The following HYAL4 variants were observed in gnomAD, a reference collection of about 807,000 sequenced individuals.
The protein encoded by HYAL4 is hyaluronidase 4, also known as hyaluronidase-4.
In HYAL4, 37 loss-of-function variants were observed where a neutral mutation model predicts 35.2. That is an observed-to-expected ratio of 1.05 (90% CI 0.81 to 1.38). The LOEUF is 1.38. Among genes scored for constraint, HYAL4 ranks in the 40% most tolerant of loss-of-function variants. HYAL4 has a pLI of 0.00. For missense variants in HYAL4, 572 were observed against 572.4 expected, an observed-to-expected ratio of 1.00 and a Z score of 0.01; for synonymous variants, 198 against 203.2, an observed-to-expected ratio of 0.97 and a Z score of 0.22.
At chr7:123,829,893 G>A (rs193270496) in intron 1 of HYAL4, among the ~76,000 whole-genome samples, 86 of 152,280 alleles carry the variant, frequency 5.6e-4, no homozygotes, top group Admixed American at 3.3e-3. Flanking sequence ...GGCTGCAAGT[G>A]CTCTGGAGAA....
At chr7:123,849,276 TCTCTCTCTCC>T (rs920132772) in intron 2 of HYAL4, among the ~76,000 whole-genome samples, 9 of 149,306 alleles carry the variant, frequency 6.0e-5, no homozygotes, top group Non-Finnish European at 1.0e-4. Context: ...TCTCTCTCTC[TCTCTCTCTCC>T]CTCTCTCTCT....
chr7:123,788,270 T>A, the HYAL4 span, among the ~76,000 whole-genome samples: 1 of 152,142 alleles, frequency 6.6e-6, no homozygotes, highest in African/African-American at 2.4e-5. Context: ...CATAGTGAGA[T>A]CTTGTCTCAG....
chr7:123,856,784 C>T (rs997380031), intron 2 of HYAL4, among the ~76,000 whole-genome samples: 61 of 152,302 alleles, frequency 4.0e-4, no homozygotes, highest in African/African-American at 1.4e-3. Context: ...GCTGTGCCCA[C>T]AGCCACCCCT....
At chr7:123,786,022 C>T in the HYAL4 span, among the ~76,000 whole-genome samples, 5 of 152,144 alleles carry the variant, frequency 3.3e-5, no homozygotes, top group Admixed American at 2.0e-4. Flanking sequence ...CTTTTCTGAG[C>T]GTTCTTGCAC....
chr7:123,794,388 G>A, the HYAL4 span, among the ~76,000 whole-genome samples: 2 of 152,200 alleles, frequency 1.3e-5, no homozygotes, highest in Non-Finnish European at 2.9e-5. Context: ...CCAAGACAAT[G>A]GGGAAAATGT....
intron 1 of HYAL4, among the ~76,000 whole-genome samples, chr7:123,833,254 T>G (rs2116907897): frequency 6.6e-6 from 1 of 152,304 alleles, no homozygotes; most frequent in Non-Finnish European, 1.5e-5. Context: ...TATTTTTTGA[T>G]TTTTTGATGA....
At chr7:123,783,102 A>G in the HYAL4 span, among the ~76,000 whole-genome samples, 2 of 152,142 alleles carry the variant, frequency 1.3e-5, no homozygotes, top group Admixed American at 1.3e-4. Context: ...TATCTGCTTA[A>G]AGAAATTTTT....
the HYAL4 span, among the ~76,000 whole-genome samples, chr7:123,788,158 G>C: frequency 1.3e-5 from 2 of 152,076 alleles, no homozygotes; most frequent in African/African-American, 4.8e-5. Context: ...TCTCTACTAA[G>C]ATAAAATTTT....
chr7:123,801,170 G>A, the HYAL4 span, among the ~76,000 whole-genome samples: 1 of 151,990 alleles, frequency 6.6e-6, no homozygotes, highest in South Asian at 2.1e-4. Flanking sequence ...CAAAGAATCA[G>A]CCAATGAGAA....
chr7:123,787,310 A>T, the HYAL4 span, among the ~76,000 whole-genome samples: 2 of 151,964 alleles, frequency 1.3e-5, no homozygotes, highest in Admixed American at 1.3e-4. Flanking sequence ...TTTACATTTT[A>T]AATTTTTTTT....
chr7:123,876,991 G>GT lies in HYAL4; in HGVS notation c.1283dup (p.Met429AspfsTer14), dbSNP rs1807044744. ...AAAAGCATCTGATACAGACCTGGCA[G>GT]TGATGGCAGATACATTTTCCTGTCA... On this transcript the variant is annotated frameshift_variant, in exon 5 of 5. Transcript: ENST00000223026. LOFTEE classifies it low-confidence loss of function (END_TRUNC). The GT allele has an allele frequency of 6.2e-7, 1 of 1,614,118 alleles. No individual in the cohort carries two copies. The highest frequency in any genetic ancestry group is 1.3e-5 in the African/African-American group (1 of 74,936).
chr7:123,857,532 A>G (rs1051482557), intron 2 of HYAL4, among the ~76,000 whole-genome samples: 8 of 151,930 alleles, frequency 5.3e-5, no homozygotes, highest in South Asian at 2.1e-4. Context: ...ACCAGTCCCA[A>G]TGAGATGAGC....
the HYAL4 span, among the ~76,000 whole-genome samples, chr7:123,815,759 C>G: frequency 6.6e-6 from 1 of 152,156 alleles, no homozygotes. Context: ...AGAAAATCCT[C>G]AAATCTCCAT....
intron 4 of HYAL4, among the ~76,000 whole-genome samples, chr7:123,876,283 A>G (rs1467896827): frequency 6.6e-6 from 1 of 152,222 alleles, no homozygotes; most frequent in Non-Finnish European, 1.5e-5. Flanking sequence ...ACAATAAATG[A>G]TGGACTATGA....
chr7:123,772,576 C>T, the HYAL4 span, among the ~76,000 whole-genome samples: 1 of 152,042 alleles, frequency 6.6e-6, no homozygotes, highest in East Asian at 1.9e-4. Flanking sequence ...CAAAAGGGTG[C>T]TTCATCTTAG....
At chr7:123,839,837 T>A (rs1353008204) in intron 1 of HYAL4, among the ~76,000 whole-genome samples, 1 of 3,952 alleles carries the variant, frequency 2.5e-4, no homozygotes, top group African/African-American at 1.0e-3. Context: ...GGATTGTTTG[T>A]TTTTTTTTCT....
the HYAL4 span, among the ~76,000 whole-genome samples, chr7:123,811,831 C>T: frequency 1.3e-5 from 2 of 151,584 alleles, no homozygotes; most frequent in African/African-American, 4.8e-5. Flanking sequence ...GTATTTATAC[C>T]TTTTTTGTTG....
At chr7:123,864,982 A>G (rs1806652879) in intron 2 of HYAL4, among the ~76,000 whole-genome samples, 1 of 152,030 alleles carries the variant, frequency 6.6e-6, no homozygotes, top group East Asian at 1.9e-4. Context: ...ACCATCTGCC[A>G]TGTAAGGTGC....
chr7:123,813,750 G>A, the HYAL4 span, among the ~76,000 whole-genome samples: 2 of 152,074 alleles, frequency 1.3e-5, no homozygotes, highest in Non-Finnish European at 2.9e-5. Flanking sequence ...GCATGTTCTT[G>A]GAGTCACTTT....
Sources: gnomAD v4.1 joint callset for allele counts (sites outside exome capture counted in the v4.1 genomes callset) on GRCh38, gnomAD v4.1.1 for gene constraint, MANE v1.5 for transcripts, NCBI Gene and HGNC (gene_info 2026-07-23, HGNC 2026-07-21) for gene names.